Variants in CLEC4C observed in about 807,000 individuals in gnomAD.
CLEC4C encodes C-type (calcium dependent, carbohydrate-recognition domain) lectin, superfamily member 11.
In CLEC4C, 17 loss-of-function variants were observed where a neutral mutation model predicts 27.7. That is an observed-to-expected ratio of 0.61 (90% confidence interval 0.42 to 0.92). The LOEUF is 0.92. Ranked by LOEUF, CLEC4C falls within the 40% of genes least tolerant of loss-of-function variation. The pLI is 0.00. For missense variants in CLEC4C, 244 were observed against 257.3 expected, an observed-to-expected ratio of 0.95 and a Z score of 0.35; for synonymous variants, 80 against 80.8, an observed-to-expected ratio of 0.99 and a Z score of 0.06.
rs140645360 is a variant in CLEC4C at position 7,743,226 on chromosome 12, G to A, written c.125-1695C>T. On this transcript the variant is annotated intron_variant, in intron 2 of 5. Coordinates refer to ENST00000360345, the MANE Select transcript of CLEC4C (RefSeq NM_001371390.1). ...GTTTTTCCATAGTTTTCTGATGGCTGTAACTGTAAGTAAACCATTTGGGTC... is the reference window on the plus strand; with the variant it reads ...GTTTTTCCATAGTTTTCTGATGGCTATAACTGTAAGTAAACCATTTGGGTC... 1.6e-4 allele frequency among the ~76,000 whole-genome samples: 24 copies of A among 152,246 alleles called. No homozygotes were observed. In the East Asian group the frequency reaches 4.2e-3, roughly 27 times the overall value.
chr12:7,730,174 C>T (rs766470466), intron 5 of CLEC4C, among the ~76,000 whole-genome samples: 2 of 152,168 alleles, frequency 1.3e-5, no homozygotes, highest in South Asian at 4.2e-4. Flanking sequence ...AGGTAAATTC[C>T]CTGGATCTGC....
At chr12:7,736,769 C>T (rs547998604) in intron 4 of CLEC4C, among the ~76,000 whole-genome samples, 165 of 151,880 alleles carry the variant, frequency 1.1e-3, no homozygotes, top group Non-Finnish European at 2.1e-3. Flanking sequence ...ATTAGCCGGG[C>T]GTGGTGGCAG....
chr12:7,743,441 G>GT (rs1864904283), intron 2 of CLEC4C, among the ~76,000 whole-genome samples: 1 of 150,594 alleles, frequency 6.6e-6, no homozygotes, highest in Non-Finnish European at 1.5e-5. Context: ...CTGGAGTGCA[G>GT]TGGCGCGATC....
chr12:7,746,132 A>G (rs920154459), intron 2 of CLEC4C, among the ~76,000 whole-genome samples, 199 bp downstream of exon 2: 10 of 150,648 alleles, frequency 6.6e-5, no homozygotes, highest in East Asian at 2.0e-4. Context: ...GGCGAATGGC[A>G]TGAACCCGGG....
chr12:7,738,002 G>A (rs369704685), intron 3 of CLEC4C, among the ~76,000 whole-genome samples: 2 of 152,118 alleles, frequency 1.3e-5, no homozygotes, highest in African/African-American at 4.8e-5. Context: ...AAAATGATCT[G>A]AAAGACAAAT....
chr12:7,732,647 C>CCAGCTAATTTTTGTATTTTTAGTAGA (rs1864624447), intron 4 of CLEC4C, among the ~76,000 whole-genome samples: 2 of 151,726 alleles, frequency 1.3e-5, no homozygotes, highest in African/African-American at 2.4e-5. Flanking sequence ...CCACCGTGCC[C>CCAGCTAATTTTTGTATTTTTAGTAGA]GACCACAGGT....
At chr12:7,734,462 T>C (rs974289668) in intron 4 of CLEC4C, among the ~76,000 whole-genome samples, 4 of 152,140 alleles carry the variant, frequency 2.6e-5, no homozygotes, top group Non-Finnish European at 5.9e-5. Context: ...GCCCTGAAAT[T>C]GCCATAATGT....
intron 4 of CLEC4C, among the ~76,000 whole-genome samples, chr12:7,734,455 C>G (rs1864672876): frequency 6.6e-6 from 1 of 152,034 alleles, no homozygotes; most frequent in South Asian, 2.1e-4. Flanking sequence ...ATTTCAAGCC[C>G]TGAAATTGCC....
chr12:7,735,945 A>C (rs1864715698), intron 4 of CLEC4C, among the ~76,000 whole-genome samples: 1 of 152,136 alleles, frequency 6.6e-6, no homozygotes, highest in Non-Finnish European at 1.5e-5. Context: ...TTTAGATGTT[A>C]ATATATGGCT....
chr12:7,735,064 G>A (rs968968666), intron 4 of CLEC4C, among the ~76,000 whole-genome samples: 5 of 151,626 alleles, frequency 3.3e-5, no homozygotes, highest in Admixed American at 2.6e-4. Context: ...AGCCAGGAGC[G>A]GTGGCATGCA....
chr12:7,731,289 C>G (rs1796846567), intron 4 of CLEC4C, among the ~76,000 whole-genome samples: 1 of 152,078 alleles, frequency 6.6e-6, no homozygotes, highest in South Asian at 2.1e-4. Flanking sequence ...ACATACAACT[C>G]TCCCTCCCAG....
chr12:7,746,711 A>G (rs1864990447), intron 1 of CLEC4C, among the ~76,000 whole-genome samples: 1 of 152,196 alleles, frequency 6.6e-6, no homozygotes, highest in South Asian at 2.1e-4. Flanking sequence ...TCAAACTTCC[A>G]GGCTTAAGTG....
upstream of CLEC4C, among the ~76,000 whole-genome samples, chr12:7,748,354 C>G (rs1314211370): frequency 6.6e-6 from 1 of 152,002 alleles, no homozygotes; most frequent in Non-Finnish European, 1.5e-5. Flanking sequence ...GGTGAAACCC[C>G]GTTTCTACTA....
intron 3 of CLEC4C, 111 bp downstream of exon 3, chr12:7,741,310 G>A (rs905168165): frequency 1.3e-5 from 9 of 681,004 alleles, no homozygotes; most frequent in Middle Eastern, 5.2e-4. Context: ...AAAGAATGCA[G>A]TAGGAAAAAC....
At chr12:7,733,348 T>C (rs770033400) in intron 4 of CLEC4C, among the ~76,000 whole-genome samples, 2 of 150,580 alleles carry the variant, frequency 1.3e-5, no homozygotes, top group East Asian at 3.9e-4. Context: ...AGGGCAACCT[T>C]TGCTTTCTGG....
At chr12:7,744,943 C>T (rs1008800198) in intron 2 of CLEC4C, among the ~76,000 whole-genome samples, 103 of 152,184 alleles carry the variant, frequency 6.8e-4, no homozygotes, top group African/African-American at 2.5e-3. Flanking sequence ...TGGGAAGAAT[C>T]TCACATGAAG....
At chr12:7,732,217 A>AG (rs540143593) in intron 4 of CLEC4C, among the ~76,000 whole-genome samples, 118 of 152,168 alleles carry the variant, frequency 7.8e-4, no homozygotes, top group Non-Finnish European at 1.5e-3. Context: ...TTTAGTAGAG[A>AG]CGGGGTTTCA....
chr12:7,737,298 T>C, intron 4 of CLEC4C, 131 bp downstream of exon 4: 1 of 772,950 alleles, frequency 1.3e-6, no homozygotes, highest in Non-Finnish European at 1.9e-6. Flanking sequence ...GTGTTTTTTG[T>C]TTTTTGGGTT....
rs201558281 is a variant in CLEC4C, at chr12:7,739,444, T to TAA, written c.236-1871_236-1870insTT. On this transcript the variant is annotated intron_variant, in intron 3 of 5. Transcript: ENST00000360345. ...TCTTGAAATAATTGTTTGATGCCCT[T>TAA]TGGGTCCATATTTCCTTCCTGCAAA... 7.6e-3 allele frequency among the ~76,000 whole-genome samples: 1,131 copies of TAA among 149,500 alleles called. 9 individuals carry two copies. Among genetic ancestry groups the TAA allele is most frequent in the African/African-American group, 0.026 (1,075 of 40,944 alleles).
Sources: allele counts gnomAD v4.1 joint callset (sites outside exome capture counted in the v4.1 genomes callset), GRCh38; gene constraint gnomAD v4.1.1; transcripts MANE v1.5; gene names NCBI Gene and HGNC (gene_info 2026-07-23, HGNC 2026-07-21).